The following DLGAP2 variants were observed in gnomAD, a reference collection of about 807,000 sequenced individuals.
DLGAP2 encodes the protein disks large-associated protein 2.
In DLGAP2, 26 loss-of-function variants were observed where a neutral mutation model predicts 100.3. The ratio of observed to expected loss-of-function variants is 0.26; its 90% CI spans 0.19 to 0.36. The LOEUF is 0.36. Ranked by LOEUF, DLGAP2 falls within the 10% of genes least tolerant of loss-of-function variation. DLGAP2 has a pLI of 1.00. For missense variants in DLGAP2, 1,858 were observed against 1,453.2 expected (o/e 1.28, Z -4.53); for synonymous variants, 886 against 630.1 (o/e 1.41, Z -6.08).
At chr8:880,717 G>A (rs1233240796) in intron 1 of DLGAP2, among the ~76,000 whole-genome samples, 4 of 152,224 alleles carry the variant, frequency 2.6e-5, no homozygotes, top group African/African-American at 7.2e-5. Flanking sequence ...CCTTGACTGC[G>A]ACATGGTATC....
At chr8:1,425,723 A>AG (rs1464824855) in intron 3 of DLGAP2, among the ~76,000 whole-genome samples, 2 of 152,210 alleles carry the variant, frequency 1.3e-5, no homozygotes, top group East Asian at 3.9e-4. Context: ...CTGTGGGCTC[A>AG]TGAACCAAGA....
intron 1 of DLGAP2, among the ~76,000 whole-genome samples, chr8:770,096 A>G (rs1821319117): frequency 6.6e-6 from 1 of 152,184 alleles, no homozygotes; most frequent in Non-Finnish European, 1.5e-5. Context: ...TTTCTAGATG[A>G]TCTTATCACA....
At chr8:1,088,054 A>T (rs1389177255) in intron 2 of DLGAP2, among the ~76,000 whole-genome samples, 1 of 152,078 alleles carries the variant, frequency 6.6e-6, no homozygotes, top group African/African-American at 2.4e-5. Flanking sequence ...CCTTCACACC[A>T]CTGCCAAAAT....
chr8:795,679 A>ACAGGCGTCCAGTGAGAG lies in DLGAP2; in HGVS notation c.18+57905_18+57921dup, dbSNP rs1563437556. On this transcript the variant is annotated intron_variant, in intron 1 of 14. Coordinates refer to ENST00000637795, the MANE Select transcript of DLGAP2 (RefSeq NM_001346810.2). ...CAGTGAGAGCAGGTGTCCAGTGAGA[A>ACAGGCGTCCAGTGAGAG]CAGGCGTCCAGTGAGAGCAGGCGTC... Among the ~76,000 whole-genome samples, 173 of 26,924 alleles carry ACAGGCGTCCAGTGAGAG rather than the reference A, an allele frequency of 6.4e-3. 3 individuals carry two copies. Among genetic ancestry groups the ACAGGCGTCCAGTGAGAG allele is most frequent in the Non-Finnish European group, 8.8e-3 (113 of 12,820 alleles). 17.7% of individuals were successfully genotyped at this position (26,924 alleles called of 152,430 possible).
chr8:1,010,326 C>T (rs918121952), intron 2 of DLGAP2, among the ~76,000 whole-genome samples: 3 of 152,082 alleles, frequency 2.0e-5, no homozygotes, highest in African/African-American at 7.2e-5. Flanking sequence ...CACATACACA[C>T]ATGTGCCCAC....
chr8:1,564,955 T>C (rs2404631), intron 5 of DLGAP2, among the ~76,000 whole-genome samples: 144,333 of 151,636 alleles, frequency 0.95, 68,732 homozygotes, highest in East Asian at 1. Flanking sequence ...AGATATATAG[T>C]ATTCATGGTT....
chr8:1,548,900 GGTGGTGCTGGGCGACCAC>G lies in DLGAP2; in HGVS notation c.451_468del (p.Val151_Val156del). 1 of 1,597,610 alleles carries G rather than the reference GGTGGTGCTGGGCGACCAC, an allele frequency of 6.3e-7. No homozygotes were observed. The highest frequency in any genetic ancestry group is 8.5e-7 in the Non-Finnish European group (1 of 1,178,656). On this transcript the variant is annotated inframe_deletion, in exon 5 of 15. Transcript: ENST00000637795. The stretch of plus-strand genomic sequence containing the variant: ...TGCACTCGGAGTGCGTGATGATGCC[GGTGGTGCTGGGCGACCAC>G]GTGTCCAGCAGCACCTTCCCGCGGA...
intron 12 of DLGAP2, among the ~76,000 whole-genome samples, chr8:1,687,371 G>T (rs1283464536): frequency 6.6e-6 from 1 of 152,226 alleles, no homozygotes; most frequent in East Asian, 1.9e-4. Context: ...ATTCTGATGA[G>T]AATTAGTCCT....
Position 842,170 on chromosome 8 carries a change from C to T in DLGAP2, c.19-65742C>T, listed in dbSNP as rs543542560. On this transcript the variant is annotated intron_variant, in intron 1 of 14. Transcript: ENST00000637795. ...AGCCACATGTTTACTCCTAACTACT[C>T]GTCCTTAGGTCGCCATCTCTCTAGT... Among the ~76,000 whole-genome samples the T allele has an allele frequency of 6.6e-5, 10 of 152,304 alleles. No homozygotes were observed. The South Asian group carries it at 1.5e-3, about 22-fold the overall frequency.
intron 2 of DLGAP2, among the ~76,000 whole-genome samples, chr8:963,513 C>A (rs2129010574): frequency 6.6e-6 from 1 of 152,162 alleles, no homozygotes; most frequent in Non-Finnish European, 1.5e-5. Context: ...GTAAAATATT[C>A]ATATGGATGA....
chr8:1,246,751 C>T (rs959461750), intron 2 of DLGAP2: 5 of 152,396 alleles, frequency 3.3e-5, no homozygotes, highest in African/African-American at 4.8e-5. Context: ...GGGACATGCC[C>T]TGACACCCGT....
In DLGAP2 at chr8:942,296, G is replaced by A. The variant is rs569240611; in HGVS notation, c.73+34330G>A. ...AGCTCTGCTGCCGCCTGTGTAACCT[G>A]ACCTCACATTTATTCTTCCCACTTC... On this transcript the variant is annotated intron_variant, in intron 2 of 14. Transcript: ENST00000637795. 3.9e-5 allele frequency among the ~76,000 whole-genome samples: 6 copies of A among 152,344 alleles called. No homozygotes were observed. In the East Asian group the frequency reaches 9.7e-4, roughly 25 times the overall value.
chr8:1,197,774 G>C (rs1271643026), intron 2 of DLGAP2, among the ~76,000 whole-genome samples: 1 of 152,248 alleles, frequency 6.6e-6, no homozygotes, highest in East Asian at 1.9e-4. Context: ...TGGGCCACCA[G>C]ATGTCCACAT....
intron 2 of DLGAP2, among the ~76,000 whole-genome samples, chr8:1,136,607 G>C (rs1157960253): frequency 1.3e-5 from 2 of 152,210 alleles, no homozygotes; most frequent in Non-Finnish European, 2.9e-5. Flanking sequence ...GTGCACAGCA[G>C]ACCCATGACT....
At chr8:1,338,010 G>A (rs935231267) in intron 3 of DLGAP2, among the ~76,000 whole-genome samples, 11 of 152,180 alleles carry the variant, frequency 7.2e-5, no homozygotes, top group South Asian at 4.1e-4. Flanking sequence ...CCACTAGGAC[G>A]GCTGTCACTG....
chr8:999,694 T>C (rs1251809081), intron 2 of DLGAP2, among the ~76,000 whole-genome samples: 4 of 152,164 alleles, frequency 2.6e-5, no homozygotes, highest in African/African-American at 4.8e-5. Context: ...TTTGCCAGGA[T>C]GGTCTCAATC....
intron 2 of DLGAP2, among the ~76,000 whole-genome samples, chr8:918,212 ATG>A (rs1281679658): frequency 6.6e-6 from 1 of 152,138 alleles, no homozygotes; most frequent in Non-Finnish European, 1.5e-5. Context: ...GGGCATGGAA[ATG>A]TGTGTTTGTG....
intron 3 of DLGAP2, among the ~76,000 whole-genome samples, chr8:1,390,755 T>C (rs918447789): frequency 3.9e-5 from 6 of 152,280 alleles, no homozygotes; most frequent in African/African-American, 1.4e-4. Context: ...ATACTGCAGG[T>C]GGATTTCAGC....
chr8:1,471,716 C>T (rs2130202029), intron 3 of DLGAP2, among the ~76,000 whole-genome samples: 1 of 152,220 alleles, frequency 6.6e-6, no homozygotes, highest in South Asian at 2.1e-4. Context: ...GGTTCATATC[C>T]ATCAGCAGCT....
Sources: gnomAD v4.1 joint callset for allele counts (sites outside exome capture counted in the v4.1 genomes callset) on GRCh38, gnomAD v4.1.1 for gene constraint, MANE v1.5 for transcripts, NCBI Gene and HGNC (gene_info 2026-07-23, HGNC 2026-07-21) for gene names.